The following CNTNAP3B variants were observed in gnomAD, a reference collection of about 807,000 sequenced individuals.
The protein encoded by CNTNAP3B is contactin-associated protein-like 3B.
Under a neutral mutation model 108.9 loss-of-function variants are expected in CNTNAP3B, and 25 were observed. The ratio of observed to expected loss-of-function variants is 0.23; its 90% CI spans 0.17 to 0.32. The LOEUF is 0.32. Among genes scored for constraint, CNTNAP3B ranks in the 10% least tolerant of loss-of-function variants. The probability of loss-of-function intolerance (pLI) is 1.00; values close to 1 mark genes in which losing one functional copy is unlikely to be tolerated. For missense variants in CNTNAP3B, 252 were observed against 1,210.4 expected (o/e 0.21, Z 11.75); for synonymous variants, 103 against 473.4 (o/e 0.22, Z 10.16).
chr9:42,014,596 C>T (rs1217021829), intron 3 of CNTNAP3B, among the ~76,000 whole-genome samples: 1 of 114,050 alleles, frequency 8.8e-6, no homozygotes, highest in East Asian at 3.2e-4. Context: ...CGAGATCATC[C>T]TGGCTAACAC....
chr9:42,063,159 T>G (rs1391293058), intron 3 of CNTNAP3B, among the ~76,000 whole-genome samples: 2 of 126,864 alleles, frequency 1.6e-5, no homozygotes, highest in Admixed American at 1.6e-4. Flanking sequence ...GTTTCTGTGT[T>G]ACTAATTAAC....
At chr9:42,066,133 A>G (rs1302691122) in intron 3 of CNTNAP3B, among the ~76,000 whole-genome samples, 1 of 136,458 alleles carries the variant, frequency 7.3e-6, no homozygotes, top group Non-Finnish European at 1.6e-5. Flanking sequence ...TTATGGGTTA[A>G]ATTAGAGAGG....
chr9:42,103,519 C>A (rs1309206098), intron 2 of CNTNAP3B, among the ~76,000 whole-genome samples: 2 of 122,892 alleles, frequency 1.6e-5, no homozygotes, highest in Non-Finnish European at 3.3e-5. Flanking sequence ...GTGAGGAGAT[C>A]CAGACCACCT....
At chr9:42,042,471 T>A (rs1447676343) in intron 3 of CNTNAP3B, among the ~76,000 whole-genome samples, 2 of 141,666 alleles carry the variant, frequency 1.4e-5, no homozygotes, top group African/African-American at 5.5e-5. Context: ...TGAATCCAAC[T>A]GTGATTAAGA....
intron 11 of CNTNAP3B, 146 bp downstream of exon 11, chr9:41,964,392 A>G (rs1825200333): frequency 2.1e-6 from 3 of 1,423,686 alleles, no homozygotes; most frequent in Non-Finnish European, 2.8e-6. Context: ...AATAAGGTGG[A>G]TTAAAAGTAA....
intron 3 of CNTNAP3B, among the ~76,000 whole-genome samples, chr9:42,069,829 ATG>A (rs1160613433): frequency 2.4e-5 from 2 of 81,654 alleles, no homozygotes; most frequent in East Asian, 3.6e-4. Flanking sequence ...GTGTATGTGT[ATG>A]TGTGTGTGTA....
At chr9:42,030,784 GA>G (rs1826504048) in intron 3 of CNTNAP3B, among the ~76,000 whole-genome samples, 1 of 86,242 alleles carries the variant, frequency 1.2e-5, no homozygotes, top group Admixed American at 1.1e-4. Context: ...GAGAGAGAGA[GA>G]TGTGTGCGAG....
intron 13 of CNTNAP3B, among the ~76,000 whole-genome samples, chr9:41,948,072 A>T (rs1824576624): frequency 6.6e-6 from 1 of 151,622 alleles, no homozygotes; most frequent in Non-Finnish European, 1.5e-5. Flanking sequence ...TTATTGGAGA[A>T]TTCTTTTTGT....
chr9:42,128,164 T>A (rs1828612813), intron 1 of CNTNAP3B, among the ~76,000 whole-genome samples: 1 of 137,746 alleles, frequency 7.3e-6, no homozygotes, highest in Non-Finnish European at 1.5e-5. Flanking sequence ...GAAAAAAAAA[T>A]GTGCAATGTT....
At position 42,112,246 on chromosome 9, in the gene CNTNAP3B, G is replaced by A. The variant is rs532632980; in HGVS notation, c.86-7507C>T. ...ATCTTCAGGGCTCAACTCAAGTTTT[G>A]TCTCTGCTCTGAAGTCTTCTCACAT... On this transcript the variant is annotated intron_variant, in intron 1 of 23. Transcript: ENST00000377561. Among the ~76,000 whole-genome samples the A allele has an allele frequency of 5.1e-4, 71 of 139,678 alleles. 5 individuals are homozygous for A. The highest frequency in any genetic ancestry group is 1.9e-3 in the African/African-American group (66 of 35,256). The allele number at this position is 139,678 out of a possible 152,430, so 91.6% of individuals were successfully genotyped here. A position where few individuals can be genotyped will look rare whatever the true frequency, so the allele number is the denominator to read the frequency against.
At chr9:41,966,918 G>T (rs1422739623) in intron 10 of CNTNAP3B, among the ~76,000 whole-genome samples, 12 of 150,304 alleles carry the variant, frequency 8.0e-5, no homozygotes, top group Non-Finnish European at 1.5e-4. Flanking sequence ...AGTGAGCCGA[G>T]ATCGTGCCAC....
chr9:41,919,562 G>T (rs1157823872), intron 18 of CNTNAP3B, among the ~76,000 whole-genome samples: 10 of 152,300 alleles, frequency 6.6e-5, no homozygotes, highest in African/African-American at 2.2e-4. Flanking sequence ...TCCCCTTCTA[G>T]TTAGTATGCT....
intron 3 of CNTNAP3B, among the ~76,000 whole-genome samples, chr9:42,037,577 A>G (rs1826658421): frequency 8.2e-6 from 1 of 122,148 alleles, no homozygotes; most frequent in South Asian, 2.7e-4. Flanking sequence ...AGAAGTTTAG[A>G]GAAAAAAGAG....
chr9:42,097,172 G>A (rs1391707870), intron 2 of CNTNAP3B, among the ~76,000 whole-genome samples: 5 of 140,102 alleles, frequency 3.6e-5, no homozygotes, highest in African/African-American at 1.4e-4. Context: ...TTATTCTATG[G>A]TTATTCCAGA....
chr9:42,044,582 G>A (rs1470345604), intron 3 of CNTNAP3B, among the ~76,000 whole-genome samples: 1 of 125,352 alleles, frequency 8.0e-6, no homozygotes, highest in Non-Finnish European at 1.7e-5. Context: ...GAGCGCACAG[G>A]CTGGGGCCCA....
rs1305004728 is a variant in CNTNAP3B, at chr9:41,969,000, G to T, written c.1649+1074C>A. On this transcript the variant is annotated intron_variant, in intron 10 of 23. Coordinates refer to ENST00000377561, the MANE Select transcript of CNTNAP3B (RefSeq NM_001201380.3). Reference sequence around the variant, plus strand: ...TTTAGTAGAGACGGGGTTTCACCATGTTAGCCAGGATGGTCTCGATCTCCT... The same window carrying T: ...TTTAGTAGAGACGGGGTTTCACCATTTTAGCCAGGATGGTCTCGATCTCCT... 5.2e-5 allele frequency among the ~76,000 whole-genome samples: 8 copies of T among 152,396 alleles called. No homozygotes were observed. In the South Asian group the frequency reaches 1.7e-3, roughly 32 times the overall value.
At chr9:42,116,949 G>C (rs1828332693) in intron 1 of CNTNAP3B, among the ~76,000 whole-genome samples, 1 of 139,478 alleles carries the variant, frequency 7.2e-6, no homozygotes, top group Non-Finnish European at 1.5e-5. Flanking sequence ...TAATTGTAAA[G>C]GGATCAATTC....
intron 15 of CNTNAP3B, among the ~76,000 whole-genome samples, chr9:41,924,928 T>G (rs1296733175): frequency 6.6e-6 from 1 of 152,198 alleles, no homozygotes; most frequent in East Asian, 1.9e-4. Context: ...GACATACTCA[T>G]GATTGGATTC....
intron 9 of CNTNAP3B, among the ~76,000 whole-genome samples, chr9:41,981,928 A>G (rs1825636436): frequency 1.9e-5 from 1 of 52,592 alleles, no homozygotes. Flanking sequence ...AATTAGCTGA[A>G]TGTGGTGGCA....
Sources: gnomAD v4.1 joint callset for allele counts (sites outside exome capture counted in the v4.1 genomes callset) on GRCh38, gnomAD v4.1.1 for gene constraint, MANE v1.5 for transcripts, NCBI Gene and HGNC (gene_info 2026-07-23, HGNC 2026-07-21) for gene names.